Variants in PRKG1 observed in about 807,000 individuals in gnomAD.
PRKG1 encodes protein kinase cGMP-dependent 1.
PRKG1 carries 35 observed loss-of-function variants against 88.1 expected under a neutral mutation model. The ratio of observed to expected loss-of-function variants is 0.40; its 90% CI spans 0.30 to 0.53. The LOEUF (loss-of-function observed/expected upper bound fraction) is 0.53. Among genes scored for constraint, PRKG1 ranks in the 20% least tolerant of loss-of-function variants. PRKG1 has a pLI of 0.59. For synonymous variants in PRKG1, 303 were observed against 292.5 expected (o/e 1.04, Z -0.37); for missense variants, 540 against 839.8 (o/e 0.64, Z 4.41).
intron 5 of PRKG1, among the ~76,000 whole-genome samples, chr10:52,029,626 C>G (rs1845428830): frequency 6.6e-6 from 1 of 152,136 alleles, no homozygotes; most frequent in South Asian, 2.1e-4. Flanking sequence ...GGTACTTGAC[C>G]ACGGCTGAAC....
At chr10:51,856,729 G>T (rs1008349764) in intron 4 of PRKG1, among the ~76,000 whole-genome samples, 2 of 151,954 alleles carry the variant, frequency 1.3e-5, no homozygotes, top group Non-Finnish European at 2.9e-5. Context: ...ACTTTGGGAG[G>T]CTGAGTCAGG....
Position 51,818,950 on chromosome 10 carries a change from T to C in PRKG1, c.698+14260T>C, listed in dbSNP as rs1421495506. The stretch of plus-strand genomic sequence containing the variant: ...TGAACCCGGGAGGCGGAGCTTGCAG[T>C]GAGCCGAGATCCCGCCACTGCACTC... On this transcript the variant is annotated intron_variant, in intron 4 of 17. Coordinates refer to ENST00000373980, the MANE Select transcript of PRKG1 (RefSeq NM_006258.4). Among the ~76,000 whole-genome samples the C allele has an allele frequency of 3.3e-4, 36 of 107,714 alleles. 9 individuals carry two copies. Among genetic ancestry groups the C allele is most frequent in the African/African-American group, 1.5e-3 (33 of 21,870 alleles). 70.7% of individuals were successfully genotyped at this position (107,714 alleles called of 152,430 possible). A position where few individuals can be genotyped will look rare whatever the true frequency, so the allele number is the denominator to read the frequency against.
chr10:50,991,340 C>G lies in PRKG1; in HGVS notation c.-39C>G. On this transcript the variant is annotated 5_prime_UTR_variant, in exon 1 of 18. Coordinates refer to the PRKG1 transcript ENST00000401604. The surrounding 1 kb of genome is among the most constrained non-coding windows in gnomAD (Gnocchi z 4.5). ...CCGCCGCCGCCGCCGCCGCCGCCGC[C>G]GCCCGAGAAAAAGTTTCGCGGAGGG... The G allele has an allele frequency of 3.4e-6, 5 of 1,474,896 alleles. No individual in the cohort carries two copies. The highest frequency in any genetic ancestry group is 4.5e-6 in the Non-Finnish European group (5 of 1,112,502). The allele number at this position is 1,474,896 out of a possible 1,614,324, so 91.4% of individuals were successfully genotyped here. A position where few individuals can be genotyped will look rare whatever the true frequency, so the allele number is the denominator to read the frequency against.
At chr10:51,394,214 A>T (rs1837517145) in intron 2 of PRKG1, among the ~76,000 whole-genome samples, 1 of 152,218 alleles carries the variant, frequency 6.6e-6, no homozygotes, top group Non-Finnish European at 1.5e-5. Context: ...TGATGATTAA[A>T]GACTGTCATA....
At chr10:52,259,276 A>G (rs1172735924) in intron 10 of PRKG1, among the ~76,000 whole-genome samples, 1 of 152,036 alleles carries the variant, frequency 6.6e-6, no homozygotes, top group Non-Finnish European at 1.5e-5. Flanking sequence ...AGACATCATA[A>G]TTTCTCTTCT....
At chr10:51,739,558 T>C (rs184688529) in intron 3 of PRKG1, among the ~76,000 whole-genome samples, 23 of 152,242 alleles carry the variant, frequency 1.5e-4, no homozygotes, top group Admixed American at 4.6e-4. Flanking sequence ...AGAAATTGAA[T>C]TGATTTAACC....
chr10:51,539,166 T>C (rs1298722233), intron 3 of PRKG1, among the ~76,000 whole-genome samples: 1 of 152,176 alleles, frequency 6.6e-6, no homozygotes, highest in Non-Finnish European at 1.5e-5. Context: ...TTTTTGTTTA[T>C]GTTCTTTAAC....
At chr10:51,230,364 T>A (rs148662960) in intron 2 of PRKG1, among the ~76,000 whole-genome samples, 1 of 152,232 alleles carries the variant, frequency 6.6e-6, no homozygotes. Context: ...GATTCATATA[T>A]GTGTGCATAG....
intron 5 of PRKG1, among the ~76,000 whole-genome samples, chr10:52,009,733 A>G (rs578225802): frequency 7.2e-5 from 11 of 152,344 alleles, no homozygotes; most frequent in African/African-American, 2.6e-4. Flanking sequence ...ATAAGGAAAA[A>G]GAACAAATCT....
intron 3 of PRKG1, among the ~76,000 whole-genome samples, chr10:51,602,776 G>GTA (rs1838648532): frequency 2.8e-5 from 2 of 71,494 alleles, no homozygotes; most frequent in South Asian, 8.7e-4. Flanking sequence ...GTGTGTGTGT[G>GTA]TGTGTATATA....
chr10:51,914,203 G>C (rs1051907477), intron 5 of PRKG1, among the ~76,000 whole-genome samples: 1 of 150,070 alleles, frequency 6.7e-6, no homozygotes, highest in Non-Finnish European at 1.5e-5. Context: ...TCACAATGGA[G>C]AAATGTCAGT....
chr10:51,829,103 C>T (rs1180188082), intron 4 of PRKG1, among the ~76,000 whole-genome samples: 5 of 152,158 alleles, frequency 3.3e-5, no homozygotes, highest in African/African-American at 9.7e-5. Context: ...TGAGAATCTG[C>T]TTCAAGCTCA....
At chr10:51,865,286 C>T (rs1185893834) in intron 4 of PRKG1, among the ~76,000 whole-genome samples, 4 of 152,038 alleles carry the variant, frequency 2.6e-5, no homozygotes, top group African/African-American at 9.7e-5. Context: ...GTTACCATTA[C>T]ATAGTCTTAT....
intron 17 of PRKG1, among the ~76,000 whole-genome samples, chr10:52,290,910 C>CTTTT (rs746256641): frequency 3.2e-4 from 39 of 122,886 alleles, no homozygotes; most frequent in African/African-American, 1.1e-3. Flanking sequence ...CATGATCACT[C>CTTTT]TTTTTTTTTT....
intron 9 of PRKG1, among the ~76,000 whole-genome samples, chr10:52,163,355 ATAT>A (rs956915658): frequency 3.6e-4 from 53 of 149,096 alleles, no homozygotes; most frequent in African/African-American, 1.2e-3. Flanking sequence ...AATTATAATC[ATAT>A]TATACAATAT....
At chr10:51,303,668 A>G (rs935072997) in intron 2 of PRKG1, among the ~76,000 whole-genome samples, 2 of 152,108 alleles carry the variant, frequency 1.3e-5, no homozygotes, top group Non-Finnish European at 2.9e-5. Flanking sequence ...AGAAGATAAT[A>G]ATATTAAATT....
At chr10:51,007,149 C>T (rs1023702346) in intron 1 of PRKG1, among the ~76,000 whole-genome samples, 2 of 151,854 alleles carry the variant, frequency 1.3e-5, no homozygotes, top group African/African-American at 4.8e-5. Context: ...GTTTCACCAT[C>T]TTGGCCAGGC....
At chr10:51,784,594 G>A (rs1292741540) in intron 3 of PRKG1, among the ~76,000 whole-genome samples, 1 of 152,122 alleles carries the variant, frequency 6.6e-6, no homozygotes, top group East Asian at 1.9e-4. Context: ...TGTAAATCCT[G>A]AAATGATTGT....
At chr10:51,244,469 T>C (rs1315169647) in intron 2 of PRKG1, among the ~76,000 whole-genome samples, 1 of 152,006 alleles carries the variant, frequency 6.6e-6, no homozygotes, top group Non-Finnish European at 1.5e-5. Flanking sequence ...CAGTGGTTCT[T>C]TCTCACACAC....
Sources: allele counts gnomAD v4.1 joint callset (sites outside exome capture counted in the v4.1 genomes callset), GRCh38; gene constraint gnomAD v4.1.1; non-coding constraint Gnocchi (gnomAD v3.1); transcripts MANE v1.5; gene names NCBI Gene and HGNC (gene_info 2026-07-23, HGNC 2026-07-21).